Variants in ENOX1 observed in about 807,000 individuals in gnomAD.
ENOX1 encodes the protein ecto-NOX disulfide-thiol exchanger 1.
ENOX1 carries 42 observed loss-of-function variants against 82.5 expected under a neutral mutation model. That is an observed-to-expected ratio of 0.51 (90% CI 0.40 to 0.66). The LOEUF (loss-of-function observed/expected upper bound fraction) is 0.66, where lower values mean the gene tolerates loss of function less well. ENOX1 is among the 30% of genes least tolerant of loss of function. ENOX1 has a pLI of 0.00. For missense variants in ENOX1, 608 were observed against 811.6 expected (o/e 0.75, Z 3.05); for synonymous variants, 271 against 282.2 (o/e 0.96, Z 0.40).
chr13:43,581,609 A>G (rs1161086762), intron 2 of ENOX1, among the ~76,000 whole-genome samples: 2 of 152,218 alleles, frequency 1.3e-5, no homozygotes, highest in Admixed American at 6.5e-5. Flanking sequence ...TTTTAAAAAC[A>G]TTTTCCAAAC....
chr13:43,547,502 A>T (rs1162382635), intron 2 of ENOX1: 2 of 152,226 alleles, frequency 1.3e-5, no homozygotes, highest in African/African-American at 4.8e-5. Context: ...TTGATAGAAA[A>T]AGGTAACTGA....
At chr13:43,690,742 T>C (rs927775665) in intron 1 of ENOX1, among the ~76,000 whole-genome samples, 1 of 152,238 alleles carries the variant, frequency 6.6e-6, no homozygotes, top group African/African-American at 2.4e-5. Context: ...TCATCATTAT[T>C]CAACGTCTCC....
chr13:43,344,846 G>T, intron 8 of ENOX1, 96 bp from the exon 9 acceptor site: 1 of 1,205,918 alleles, frequency 8.3e-7, no homozygotes. Flanking sequence ...GTCCAACCTA[G>T]TGGATATATT....
intron 2 of ENOX1, among the ~76,000 whole-genome samples, chr13:43,612,471 T>C (rs2082238153): frequency 1.3e-5 from 2 of 152,132 alleles, no homozygotes; most frequent in Non-Finnish European, 2.9e-5. Context: ...AGAAGCAACA[T>C]CTTTGTTGGT....
At chr13:43,477,105 C>T (rs1017819656) in intron 3 of ENOX1, among the ~76,000 whole-genome samples, 4 of 150,392 alleles carry the variant, frequency 2.7e-5, no homozygotes, top group African/African-American at 9.8e-5. Context: ...CAGTATGATC[C>T]CATCTATGTA....
At chr13:43,470,320 A>ATATATATACGTATATATATACG (rs1566306392) in intron 3 of ENOX1, among the ~76,000 whole-genome samples, 4 of 43,524 alleles carry the variant, frequency 9.2e-5, no homozygotes, top group African/African-American at 2.8e-4. Flanking sequence ...ATATATACAC[A>ATATATATACGTATATATATACG]TATATATATG....
chr13:43,530,468 C>T (rs890941130), intron 2 of ENOX1, among the ~76,000 whole-genome samples: 2 of 152,012 alleles, frequency 1.3e-5, no homozygotes, highest in Admixed American at 6.6e-5. Context: ...AATTATATGG[C>T]TTAGAAAATG....
intron 2 of ENOX1, among the ~76,000 whole-genome samples, chr13:43,603,241 T>C (rs188363528): frequency 2.6e-5 from 4 of 152,200 alleles, no homozygotes; most frequent in African/African-American, 7.2e-5. Context: ...TGCTATATTG[T>C]CATGCTTTTC....
chr13:43,302,093 CA>C (rs2046609466), intron 11 of ENOX1, among the ~76,000 whole-genome samples: 1 of 122,986 alleles, frequency 8.1e-6, no homozygotes, highest in African/African-American at 3.1e-5. Context: ...ATCCACTATC[CA>C]AATAAGTATA....
intron 5 of ENOX1, among the ~76,000 whole-genome samples, chr13:43,369,982 T>C (rs2051114641): frequency 1.3e-5 from 2 of 152,226 alleles, no homozygotes; most frequent in Admixed American, 6.5e-5. Context: ...CACAGCATTA[T>C]TTCTGTTCTT....
At chr13:43,585,727 G>A (rs2080947611) in intron 2 of ENOX1, among the ~76,000 whole-genome samples, 3 of 152,130 alleles carry the variant, frequency 2.0e-5, no homozygotes, top group Non-Finnish European at 4.4e-5. Flanking sequence ...ACAGGCTCCT[G>A]CCACCACGCC....
chr13:43,402,661 A>G (rs1466692806), intron 5 of ENOX1, among the ~76,000 whole-genome samples: 2 of 152,260 alleles, frequency 1.3e-5, no homozygotes, highest in Admixed American at 6.5e-5. Flanking sequence ...AAAAGCAAAC[A>G]GTGGATCTGG....
chr13:43,598,008 G>T (rs1371546386), intron 2 of ENOX1, among the ~76,000 whole-genome samples: 1 of 151,924 alleles, frequency 6.6e-6, no homozygotes, highest in East Asian at 1.9e-4. Context: ...TCCCTTCCCT[G>T]CCTCATCACT....
At chr13:43,249,785 T>C (rs1318418445) in intron 14 of ENOX1, among the ~76,000 whole-genome samples, 1 of 152,204 alleles carries the variant, frequency 6.6e-6, no homozygotes, top group Non-Finnish European at 1.5e-5. Flanking sequence ...TAAAATCAAA[T>C]TTTACAAGGT....
chr13:43,553,596 G>C (rs181451151), intron 2 of ENOX1, among the ~76,000 whole-genome samples: 13 of 152,152 alleles, frequency 8.5e-5, no homozygotes, highest in African/African-American at 3.1e-4. Flanking sequence ...ACAAGTAGAG[G>C]GATTAAAGGA....
rs1053542916 is a variant in ENOX1 at position 43,445,373 on chromosome 13, T to C, written c.-74-32385A>G. Among the ~76,000 whole-genome samples, 6 of 152,158 alleles carry C rather than the reference T, an allele frequency of 3.9e-5. No individual in the cohort carries two copies. The East Asian group carries it at 5.8e-4, about 15-fold the overall frequency. ...CTCCTGACCTCGTGATCTGCCCGCC[T>C]TGGCCTCCCAAAGTGCTGGGATTAC... is the stretch of plus-strand genomic sequence containing the variant. On this transcript the variant is annotated intron_variant, in intron 3 of 16. Transcript: ENST00000690772.
intron 2 of ENOX1, among the ~76,000 whole-genome samples, chr13:43,509,043 C>T (rs577396009): frequency 6.6e-6 from 1 of 152,016 alleles, no homozygotes; most frequent in East Asian, 1.9e-4. Flanking sequence ...TAAATAAGGT[C>T]TTGTTGGTAA....
At chr13:43,700,387 A>G (rs2153808343) in intron 1 of ENOX1, among the ~76,000 whole-genome samples, 1 of 152,272 alleles carries the variant, frequency 6.6e-6, no homozygotes. Context: ...GTCTGGTAGC[A>G]TGTCTCGCTT....
intron 14 of ENOX1, among the ~76,000 whole-genome samples, chr13:43,260,771 CAG>C (rs1238573482): frequency 6.6e-6 from 1 of 152,080 alleles, no homozygotes; most frequent in Non-Finnish European, 1.5e-5. Context: ...GGAGATAGCT[CAG>C]AGACAGAGAT....
Sources: gnomAD v4.1 joint callset for allele counts (sites outside exome capture counted in the v4.1 genomes callset) on GRCh38, gnomAD v4.1.1 for gene constraint, MANE v1.5 for transcripts, NCBI Gene and HGNC (gene_info 2026-07-23, HGNC 2026-07-21) for gene names.